Variants in ZNF670 observed in about 807,000 individuals in gnomAD.
ZNF670 encodes the protein zinc finger protein 670.
In ZNF670, 7 loss-of-function variants were observed where a neutral mutation model predicts 10.9. The ratio of observed to expected loss-of-function variants is 0.64; its 90% confidence interval spans 0.36 to 1.20. The LOEUF (loss-of-function observed/expected upper bound fraction) is 1.20. Among genes scored for constraint, ZNF670 ranks in the 50% most tolerant of loss-of-function variants. The pLI is 0.02. For missense variants in ZNF670, 446 were observed against 458.6 expected, an observed-to-expected ratio of 0.97 and a Z score of 0.25; for synonymous variants, 136 against 152.7, an observed-to-expected ratio of 0.89 and a Z score of 0.81.
chr1:247,053,129 C>T (rs1256193057), intron 1 of ZNF670, among the ~76,000 whole-genome samples: 1 of 152,178 alleles, frequency 6.6e-6, no homozygotes. Flanking sequence ...GCCAGTCTCA[C>T]TCTCACCCCC....
Position 247,036,089 on chromosome 1 carries a change from T to C in ZNF670, c.*1360A>G, listed in dbSNP as rs1670142976. 6.6e-6 allele frequency among the ~76,000 whole-genome samples: 1 copy of C among 152,152 alleles called. No individual in the cohort carries two copies. Among genetic ancestry groups the C allele is most frequent in the South Asian group, 2.1e-4 (1 of 4,834 alleles). On this transcript the variant is annotated 3_prime_UTR_variant, in exon 4 of 4. Transcript: ENST00000366503. ...AAATTTCACCCAGATAACCATAATA[T>C]ATTTATATCTGAAAGCCAGTTAACG...
rs562407666 is a variant in ZNF670, at chr1:247,061,648, C to A, written c.3+16946G>T. On this transcript the variant is annotated intron_variant, in intron 1 of 3. Coordinates refer to ENST00000366503, the MANE Select transcript of ZNF670 (RefSeq NM_033213.5). ...GCTCCCCATAACGTAGGCTCTTCCA[C>A]GTAGTTACAGCATTTTAACTTCCAT... is the stretch of plus-strand genomic sequence containing the variant. Among the ~76,000 whole-genome samples the A allele has an allele frequency of 4.6e-5, 7 of 152,268 alleles. No homozygotes were observed. In the South Asian group the frequency reaches 1.0e-3, roughly 23 times the overall value.
At chr1:247,041,341 G>T (rs984932756) in intron 1 of ZNF670, among the ~76,000 whole-genome samples, 1 of 152,070 alleles carries the variant, frequency 6.6e-6, no homozygotes, top group African/African-American at 2.4e-5. Flanking sequence ...CAATATAAAA[G>T]AATTAGTATG....
chr1:247,050,382 T>A (rs1175326021), intron 1 of ZNF670, among the ~76,000 whole-genome samples: 1 of 152,210 alleles, frequency 6.6e-6, no homozygotes, highest in Non-Finnish European at 1.5e-5. Context: ...GCATGGAGTA[T>A]CTTTTTCCAC....
intron 1 of ZNF670, among the ~76,000 whole-genome samples, chr1:247,075,559 T>C (rs1305522777): frequency 6.6e-6 from 1 of 152,212 alleles, no homozygotes; most frequent in South Asian, 2.1e-4. Flanking sequence ...GGGGCAGGTC[T>C]TTCCCCTGCT....
intron 1 of ZNF670, among the ~76,000 whole-genome samples, chr1:247,072,374 CAA>C (rs146396802): frequency 0.23 from 35,180 of 150,492 alleles, 4,615 homozygotes; most frequent in Middle Eastern, 0.35. Context: ...AGGCTGGTCT[CAA>C]ACTTCTGAAC....
chr1:247,056,997 G>A lies in ZNF670; in HGVS notation c.4-17460C>T, dbSNP rs1670734712. The stretch of plus-strand genomic sequence containing the variant: ...GAGACCAAACCAAACATGGACGAAT[G>A]AGATCCACATCAAGTTAAAAAGCTT... On this transcript the variant is annotated intron_variant, in intron 1 of 3. Transcript: ENST00000366503. Among the ~76,000 whole-genome samples, 3 of 152,174 alleles carry A rather than the reference G, an allele frequency of 2.0e-5. No individual in the cohort carries two copies. In the South Asian group the frequency reaches 6.2e-4, roughly 31 times the overall value.
chr1:247,064,596 A>G (rs1670939240), intron 1 of ZNF670, among the ~76,000 whole-genome samples: 1 of 152,008 alleles, frequency 6.6e-6, no homozygotes, highest in Admixed American at 6.6e-5. Flanking sequence ...TTCCTCCTGG[A>G]CTCAGGGGCA....
intron 1 of ZNF670, among the ~76,000 whole-genome samples, chr1:247,051,954 GAT>G (rs1670606946): frequency 6.8e-6 from 1 of 147,248 alleles, no homozygotes; most frequent in African/African-American, 2.5e-5. Flanking sequence ...TTTTATTGAT[GAT>G]ATGTGTTTGG....
intron 1 of ZNF670, among the ~76,000 whole-genome samples, chr1:247,073,208 C>T (rs1217252244): frequency 6.6e-6 from 1 of 152,062 alleles, no homozygotes; most frequent in African/African-American, 2.4e-5. Context: ...CATTTTTCAA[C>T]CAAGAAAATC....
chr1:247,068,849 AG>A lies in ZNF670; in HGVS notation c.3+9744del, dbSNP rs1359438082. On this transcript the variant is annotated intron_variant, in intron 1 of 3. Transcript: ENST00000366503. The stretch of plus-strand genomic sequence containing the variant: ...TTTGCCAAAAAAAAAAAAAAAAAAA[AG>A]AATGAGATCCAGTCGTTTGCAGCAA... Among the ~76,000 whole-genome samples, 562 of 145,796 alleles carry A rather than the reference AG, an allele frequency of 3.9e-3. 12 individuals carry two copies. The highest frequency in any genetic ancestry group is 0.027 in the Admixed American group (396 of 14,494).
chr1:247,056,820 C>T (rs900331485), intron 1 of ZNF670, among the ~76,000 whole-genome samples: 1 of 152,166 alleles, frequency 6.6e-6, no homozygotes, highest in Admixed American at 6.5e-5. Context: ...AACTAGACCA[C>T]TATCTCTCAC....
chr1:247,072,846 A>ACC (rs1671169742), intron 1 of ZNF670, among the ~76,000 whole-genome samples: 1 of 96,208 alleles, frequency 1.0e-5, no homozygotes, highest in Non-Finnish European at 2.3e-5. Context: ...ATATGCATAC[A>ACC]CACACATACA....
chr1:247,051,091 G>A (rs565304931), intron 1 of ZNF670, among the ~76,000 whole-genome samples: 4 of 151,462 alleles, frequency 2.6e-5, no homozygotes, highest in East Asian at 2.0e-4. Context: ...GGTGGATCAC[G>A]AGGTCAGGAG....
chr1:247,051,317 G>C (rs1670591277), intron 1 of ZNF670, among the ~76,000 whole-genome samples: 1 of 151,724 alleles, frequency 6.6e-6, no homozygotes, highest in Admixed American at 6.6e-5. Context: ...GTTTGGTAGT[G>C]GTGAGTTCTC....
intron 1 of ZNF670, among the ~76,000 whole-genome samples, chr1:247,052,774 T>C (rs576156052): frequency 1.3e-5 from 2 of 152,234 alleles, no homozygotes; most frequent in African/African-American, 4.8e-5. Context: ...TGCAGTAATA[T>C]AGGGGGATAT....
intron 1 of ZNF670, among the ~76,000 whole-genome samples, chr1:247,061,966 C>G (rs902773628): frequency 6.6e-6 from 1 of 152,184 alleles, no homozygotes; most frequent in African/African-American, 2.4e-5. Flanking sequence ...CTATCCCTTT[C>G]AGACTACAGA....
intron 1 of ZNF670, among the ~76,000 whole-genome samples, chr1:247,051,688 T>A (rs889308024): frequency 3.3e-5 from 5 of 152,328 alleles, no homozygotes; most frequent in African/African-American, 9.6e-5. Context: ...TTTTCCTCAA[T>A]TATTTCCTCA....
At position 247,074,308 on chromosome 1, in the gene ZNF670, A is replaced by G. The variant is rs1025416231; in HGVS notation, c.3+4286T>C. Among the ~76,000 whole-genome samples the G allele has an allele frequency of 2.6e-5, 4 of 152,104 alleles. No homozygotes were observed. In the Middle Eastern group the frequency reaches 0.01, roughly 388 times the overall value. ...TGATATACCCTCAGCCTGAGCCAAC[A>G]TACAACCCCTCTTTATGCCTCTCCT... On this transcript the variant is annotated intron_variant, in intron 1 of 3. Coordinates refer to ENST00000366503, the MANE Select transcript of ZNF670 (RefSeq NM_033213.5).
Sources: gnomAD v4.1 joint callset for allele counts (sites outside exome capture counted in the v4.1 genomes callset) on GRCh38, gnomAD v4.1.1 for gene constraint, MANE v1.5 for transcripts, NCBI Gene and HGNC (gene_info 2026-07-23, HGNC 2026-07-21) for gene names.